APPBP2: variants seen among roughly 807,000 people sequenced by gnomAD.
APPBP2 encodes the protein amyloid protein-binding protein 2.
APPBP2 carries 15 observed loss-of-function variants against 76.0 expected under a neutral mutation model. The observed-to-expected ratio is 0.20, with a 90% confidence interval of 0.13 to 0.30. APPBP2 has a LOEUF of 0.30. Among genes scored for constraint, APPBP2 ranks in the 10% least tolerant of loss-of-function variants. The pLI is 1.00. For synonymous variants in APPBP2, 222 were observed against 242.2 expected (o/e 0.92, Z 0.77); for missense variants, 401 against 687.2 (o/e 0.58, Z 4.66).
At chr17:60,519,986 GT>G (rs1322737976) in intron 1 of APPBP2, among the ~76,000 whole-genome samples, 4 of 151,554 alleles carry the variant, frequency 2.6e-5, no homozygotes, top group Non-Finnish European at 5.9e-5. Flanking sequence ...ATCTCACTAT[GT>G]TGCCCAGGCT....
chr17:60,458,528 T>C (rs2090449231), intron 9 of APPBP2, among the ~76,000 whole-genome samples: 1 of 152,180 alleles, frequency 6.6e-6, no homozygotes, highest in Non-Finnish European at 1.5e-5. Context: ...AACAAAGTTT[T>C]TCTGTAGAGG....
rs1030515787 is a variant in APPBP2 at position 60,444,771 on chromosome 17, G to A, written c.*2810C>T. The A allele has an allele frequency of 1.3e-5, 2 of 152,592 alleles. No homozygotes were observed. Among genetic ancestry groups the A allele is most frequent in the East Asian group, 1.9e-4 (1 of 5,180 alleles). The allele number at this position is 152,592 out of a possible 1,614,324, so 9.5% of individuals were successfully genotyped here. A position where few individuals can be genotyped will look rare whatever the true frequency, so the allele number is the denominator to read the frequency against. ...CTGAGCGACACATGCGAGTGCTGAC[G>A]GAGCTCCCTGATGCACCCAACTGGA... On this transcript the variant is annotated 3_prime_UTR_variant, in exon 13 of 13. Coordinates refer to ENST00000083182, the MANE Select transcript of APPBP2 (RefSeq NM_006380.5).
intron 2 of APPBP2, among the ~76,000 whole-genome samples, chr17:60,499,924 T>TA (rs1188425877): frequency 6.6e-6 from 1 of 152,214 alleles, no homozygotes. Flanking sequence ...AATGGGGAGT[T>TA]ACTATTTAGT....
intron 12 of APPBP2, 21 bp from the exon 13 acceptor site, chr17:60,447,855 G>T: frequency 1.7e-6 from 2 of 1,180,324 alleles, no homozygotes; most frequent in East Asian, 2.9e-5. Flanking sequence ...AAAGAAAAAG[G>T]AAAAAAAAAA....
intron 3 of APPBP2, among the ~76,000 whole-genome samples, chr17:60,485,086 T>C (rs571687963): frequency 2.6e-5 from 4 of 152,346 alleles, no homozygotes; most frequent in South Asian, 4.1e-4. Flanking sequence ...AGCTTTTTGA[T>C]GTGCTGCTGG....
chr17:60,500,894 A>C (rs753102263), intron 1 of APPBP2, among the ~76,000 whole-genome samples: 71 of 152,226 alleles, frequency 4.7e-4, no homozygotes, highest in Non-Finnish European at 6.2e-4. Context: ...ATCTCAGTTC[A>C]GTCCTGGTTA....
chr17:60,452,162 C>G lies in APPBP2; in HGVS notation c.1339-117G>C, dbSNP rs925914537. The G allele has an allele frequency of 5.7e-6, 6 of 1,059,116 alleles. No individual in the cohort carries two copies. The South Asian group carries it at 8.9e-5, about 16-fold the overall frequency. 65.6% of individuals were successfully genotyped at this position (1,059,116 alleles called of 1,614,324 possible). ...CATCTTATGAATGCCATAAGGTAAT[C>G]AGATCAAAGAACATACTATGTTATT... On this transcript the variant is annotated intron_variant, in intron 11 of 12. Transcript: ENST00000083182.
chr17:60,476,908 C>T (rs2090595060), intron 4 of APPBP2, among the ~76,000 whole-genome samples: 1 of 152,148 alleles, frequency 6.6e-6, no homozygotes, highest in Non-Finnish European at 1.5e-5. Flanking sequence ...CTCATGTTTT[C>T]TTCCTTAATG....
At chr17:60,485,165 CTCTT>C (rs1186074266) in intron 3 of APPBP2, among the ~76,000 whole-genome samples, 1 of 151,998 alleles carries the variant, frequency 6.6e-6, no homozygotes, top group Non-Finnish European at 1.5e-5. Flanking sequence ...GTCTAAAATT[CTCTT>C]TTTTTGTTGT....
At position 60,480,377 on chromosome 17, in the gene APPBP2, A is replaced by AAAC. The variant is rs538334192; in HGVS notation, c.380-1109_380-1107dup. 4.6e-4 allele frequency among the ~76,000 whole-genome samples: 70 copies of AAAC among 152,222 alleles called. No homozygotes were observed. In the East Asian group the frequency reaches 5.2e-3, roughly 11 times the overall value. ...AACAGAGCCAGCCAGACCTTGTCTCAAACAACAACAACAACAAAACTCTGA... is the reference window on the plus strand; with the variant it reads ...AACAGAGCCAGCCAGACCTTGTCTCAAACAACAACAACAACAACAAAACTCTGA... On this transcript the variant is annotated intron_variant, in intron 3 of 12. Coordinates refer to ENST00000083182, the MANE Select transcript of APPBP2 (RefSeq NM_006380.5).
At chr17:60,507,343 T>C (rs8072349) in intron 1 of APPBP2, among the ~76,000 whole-genome samples, 12,461 of 151,988 alleles carry the variant, frequency 0.082, 1,689 homozygotes, top group African/African-American at 0.28. Flanking sequence ...TGCCTCAGTC[T>C]CCCAAATAGC....
chr17:60,478,650 G>C (rs1011103306), intron 4 of APPBP2, among the ~76,000 whole-genome samples: 1 of 152,136 alleles, frequency 6.6e-6, no homozygotes, highest in African/African-American at 2.4e-5. Context: ...GGCCAGGCAC[G>C]GTGGCTCATG....
Position 60,445,300 on chromosome 17 carries a change from T to C in APPBP2, c.*2281A>G, listed in dbSNP as rs921694979. The C allele has an allele frequency of 1.3e-5, 2 of 152,650 alleles. No individual in the cohort carries two copies. The highest frequency in any genetic ancestry group is 2.9e-5 in the Non-Finnish European group (2 of 68,040). The allele number at this position is 152,650 out of a possible 1,614,324, so 9.5% of individuals were successfully genotyped here. On this transcript the variant is annotated 3_prime_UTR_variant, in exon 13 of 13. Transcript: ENST00000083182. ...AATTGACATTATCACCCTGTGATCCTAGGCTTCTACATACCATGTTGTTTT... is the reference window on the plus strand; with the variant it reads ...AATTGACATTATCACCCTGTGATCCCAGGCTTCTACATACCATGTTGTTTT...
At chr17:60,489,894 G>T (rs2090712785) in intron 3 of APPBP2, among the ~76,000 whole-genome samples, 1 of 152,108 alleles carries the variant, frequency 6.6e-6, no homozygotes, top group African/African-American at 2.4e-5. Context: ...AATTAGTTGG[G>T]TGTGGTGGCA....
intron 3 of APPBP2, among the ~76,000 whole-genome samples, chr17:60,493,434 CAA>C (rs1201294471): frequency 2.6e-5 from 4 of 152,120 alleles, no homozygotes; most frequent in Non-Finnish European, 4.4e-5. Flanking sequence ...ATACATTAAA[CAA>C]TATTTTTCTA....
At chr17:60,512,346 G>A (rs894169521) in intron 1 of APPBP2, among the ~76,000 whole-genome samples, 8 of 151,718 alleles carry the variant, frequency 5.3e-5, no homozygotes, top group African/African-American at 1.2e-4. Flanking sequence ...CTCGTGATCC[G>A]CCCGCCTCGG....
Position 60,500,407 on chromosome 17 carries a change from C to T in APPBP2, c.219G>A (p.Leu73=). ...TTTAAAAAAGAATTTACCTTTTATC[C>T]AAAGCTCTCAGTACTTTAGCAAAAA... ...LEVFAKVLRA[L]DKRHLLHHCF... is the part of the protein sequence containing the mutation. Residue 73 remains leucine, a synonymous_variant, in exon 2 of 13, where the codon TTG becomes TTA. Coordinates refer to ENST00000083182, the MANE Select transcript of APPBP2 (RefSeq NM_006380.5). 6.3e-7 allele frequency: 1 copy of T among 1,596,128 alleles called. No homozygotes were observed. Among genetic ancestry groups the T allele is most frequent in the Non-Finnish European group, 8.5e-7 (1 of 1,170,226 alleles).
At chr17:60,492,981 AG>A (rs1183471560) in intron 3 of APPBP2, among the ~76,000 whole-genome samples, 1 of 152,188 alleles carries the variant, frequency 6.6e-6, no homozygotes, top group Non-Finnish European at 1.5e-5. Flanking sequence ...GTGTTGTGGG[AG>A]GGACCTGGTG....
intron 4 of APPBP2, among the ~76,000 whole-genome samples, chr17:60,476,580 T>C (rs908326819): frequency 2.6e-5 from 4 of 152,142 alleles, no homozygotes; most frequent in Admixed American, 6.5e-5. Context: ...GTTAGTTGAA[T>C]AGAGGCAAAT....
Sources: allele counts gnomAD v4.1 joint callset (sites outside exome capture counted in the v4.1 genomes callset), GRCh38; gene constraint gnomAD v4.1.1; transcripts MANE v1.5; gene names NCBI Gene and HGNC (gene_info 2026-07-23, HGNC 2026-07-21).